Variants in CFAP77 observed in about 807,000 individuals in gnomAD.
CFAP77 encodes cilia- and flagella-associated protein 77.
In CFAP77, 25 loss-of-function variants were observed where a neutral mutation model predicts 31.1. The observed-to-expected ratio is 0.80, with a 90% CI of 0.59 to 1.12. The LOEUF (loss-of-function observed/expected upper bound fraction) is 1.12, where lower values mean the gene tolerates loss of function less well. Ranked by LOEUF, CFAP77 falls within the 50% of genes most tolerant of loss-of-function variation. The pLI is 0.00. For missense variants in CFAP77, 377 were observed against 397.3 expected (o/e 0.95, Z 0.44); for synonymous variants, 151 against 159.9 (o/e 0.94, Z 0.42).
At chr9:132,468,331 T>G (rs1851191170) in intron 1 of CFAP77, among the ~76,000 whole-genome samples, 1 of 151,894 alleles carries the variant, frequency 6.6e-6, no homozygotes, top group African/African-American at 2.4e-5. Context: ...GGCAACAGAG[T>G]GAGACTCCGT....
chr9:132,430,575 C>T (rs567046240), intron 1 of CFAP77, among the ~76,000 whole-genome samples: 3 of 152,326 alleles, frequency 2.0e-5, no homozygotes, highest in South Asian at 4.1e-4. Context: ...TGAAGAAAAG[C>T]CCTCCTGTCC....
intron 3 of CFAP77, among the ~76,000 whole-genome samples, chr9:132,523,574 T>G (rs1852306961): frequency 6.6e-6 from 1 of 152,224 alleles, no homozygotes; most frequent in South Asian, 2.1e-4. Context: ...CTTTTACAAA[T>G]GTGACCAGCT....
chr9:132,458,476 G>A (rs1850970085), intron 1 of CFAP77, among the ~76,000 whole-genome samples: 1 of 152,144 alleles, frequency 6.6e-6, no homozygotes, highest in South Asian at 2.1e-4. Context: ...TGCCTGTGTG[G>A]GCTAGGTTTC....
In CFAP77 at chr9:132,498,785, GT is replaced by G; in HGVS notation, c.287del (p.Val96AlafsTer21). 4 of 1,607,308 alleles carry G rather than the reference GT, an allele frequency of 2.5e-6. No homozygotes were observed. The highest frequency in any genetic ancestry group is 3.4e-6 in the Non-Finnish European group (4 of 1,176,184). On this transcript the variant is annotated frameshift_variant, in exon 2 of 6. Coordinates refer to ENST00000393216, the MANE Select transcript of CFAP77 (RefSeq NM_001282957.2). LOFTEE classifies it high-confidence loss of function. The surrounding 1 kb of genome is among the most constrained non-coding windows in gnomAD (Gnocchi z 4.2). ...GLYIRGLDGG[V>X]PEAIGRWNVF... ...CTACATCCGAGGGCTTGACGGAGGA[GT>G]CCCTGAAGGTGAGCGAGCAGCTTTG...
chr9:132,427,628 A>G (rs551829291), intron 1 of CFAP77, among the ~76,000 whole-genome samples: 3 of 152,066 alleles, frequency 2.0e-5, no homozygotes, highest in African/African-American at 7.2e-5. Flanking sequence ...AAAAAACAAC[A>G]ACAAAAAAAC....
rs999394661 is a variant in CFAP77, at chr9:132,565,864, A to T, written c.733-6524A>T. ...ACCAGCTCCTTCGCCAACCGGGATA[A>T]AGCCTCCCGCTCGCCCGGCTCCCAG... On this transcript the variant is annotated intron_variant, in intron 5 of 5. Transcript: ENST00000393216. The surrounding 1 kb of genome is among the most constrained non-coding windows in gnomAD (Gnocchi z 4.1). Among the ~76,000 whole-genome samples the T allele has an allele frequency of 9.9e-5, 15 of 152,206 alleles. No individual in the cohort carries two copies. The highest frequency in any genetic ancestry group is 3.3e-4 in the Admixed American group (5 of 15,294).
chr9:132,451,715 G>A (rs1850830244), intron 1 of CFAP77, among the ~76,000 whole-genome samples: 1 of 151,882 alleles, frequency 6.6e-6, no homozygotes, highest in Admixed American at 6.6e-5. Flanking sequence ...AATCCTGGTT[G>A]CCTTCATTAT....
At position 132,511,647 on chromosome 9, in the gene CFAP77, C is replaced by T. The variant is rs1027556106; in HGVS notation, c.524+12047C>T. On this transcript the variant is annotated intron_variant, in intron 3 of 5. Coordinates refer to ENST00000393216, the MANE Select transcript of CFAP77 (RefSeq NM_001282957.2). This position sits in a 1 kb window ranked among gnomAD's most constrained non-coding sequence, Gnocchi z 5.8. ...GCACATGAGACGGCCAACTCTTTCC[C>T]GGGCACGACTCTTGCAGGGCACTGA... Among the ~76,000 whole-genome samples the T allele has an allele frequency of 7.9e-5, 12 of 152,236 alleles. 1 individual carries two copies. Among genetic ancestry groups the T allele is most frequent in the Admixed American group, 7.2e-4 (11 of 15,286 alleles).
At position 132,428,815 on chromosome 9, in the gene CFAP77, C is replaced by A. The variant is rs1006141353; in HGVS notation, c.195+18349C>A. On this transcript the variant is annotated intron_variant, in intron 1 of 5. Coordinates refer to ENST00000393216, the MANE Select transcript of CFAP77 (RefSeq NM_001282957.2). ...GGGCACAGTCAGCACTTTGAAGACC[C>A]CCCCCTGCTCTGCGTACACTGGCAT... Among the ~76,000 whole-genome samples, 9 of 151,944 alleles carry A rather than the reference C, an allele frequency of 5.9e-5. 1 individual carries two copies. The South Asian group carries it at 1.7e-3, about 28-fold the overall frequency.
intron 1 of CFAP77, among the ~76,000 whole-genome samples, chr9:132,456,779 C>G (rs1043325778): frequency 6.6e-6 from 1 of 151,788 alleles, no homozygotes. Flanking sequence ...GAGACACGGT[C>G]ATACTCTGTT....
Position 132,572,818 on chromosome 9 carries a change from C to A in CFAP77, c.*308C>A. 2.6e-6 allele frequency: 1 copy of A among 389,896 alleles called. No homozygotes were observed. Among genetic ancestry groups the A allele is most frequent in the Non-Finnish European group, 4.6e-6 (1 of 218,558 alleles). 24.2% of individuals were successfully genotyped at this position (389,896 alleles called of 1,614,324 possible). ...CACCTGCCAAGACAAGCCCAAATTA[C>A]AAGACAATTTTTTAGACTCCAGGCT... On this transcript the variant is annotated 3_prime_UTR_variant, in exon 6 of 6. Coordinates refer to ENST00000393216, the MANE Select transcript of CFAP77 (RefSeq NM_001282957.2).
chr9:132,502,064 G>A (rs531991996), intron 3 of CFAP77, among the ~76,000 whole-genome samples: 41 of 152,220 alleles, frequency 2.7e-4, no homozygotes, highest in African/African-American at 8.7e-4. Flanking sequence ...AGACAGTAGC[G>A]GACTTCTTGC....
intron 1 of CFAP77, among the ~76,000 whole-genome samples, chr9:132,429,740 C>T (rs916898645): frequency 7.3e-5 from 11 of 151,674 alleles, no homozygotes; most frequent in Admixed American, 5.9e-4. Flanking sequence ...CCTGTAGTCC[C>T]AGCTACTTAG....
intron 3 of CFAP77, among the ~76,000 whole-genome samples, chr9:132,532,709 G>T (rs945560291): frequency 3.3e-5 from 5 of 152,028 alleles, no homozygotes; most frequent in African/African-American, 1.2e-4. Flanking sequence ...TAAGTCACAG[G>T]GTAAGTTCTG....
chr9:132,522,390 C>A (rs1179166983), intron 3 of CFAP77, among the ~76,000 whole-genome samples: 2 of 152,190 alleles, frequency 1.3e-5, no homozygotes, highest in Non-Finnish European at 2.9e-5. Context: ...CTGGGCTTCG[C>A]TTCCCATTCC....
chr9:132,460,731 A>C (rs1025694158), intron 1 of CFAP77, among the ~76,000 whole-genome samples: 3 of 152,042 alleles, frequency 2.0e-5, no homozygotes, highest in African/African-American at 4.8e-5. Flanking sequence ...ACTCAATACC[A>C]CTGGATTGTG....
intron 1 of CFAP77, among the ~76,000 whole-genome samples, chr9:132,450,609 G>A (rs1850808679): frequency 6.6e-6 from 1 of 152,238 alleles, no homozygotes; most frequent in Admixed American, 6.5e-5. Flanking sequence ...GTAAGCAGAA[G>A]AGCAGAGATT....
intron 1 of CFAP77, among the ~76,000 whole-genome samples, chr9:132,494,958 C>T (rs1851718127): frequency 6.6e-6 from 1 of 152,196 alleles, no homozygotes; most frequent in Non-Finnish European, 1.5e-5. Flanking sequence ...ACGCTTTAAA[C>T]TCACAGACTT....
intron 1 of CFAP77, among the ~76,000 whole-genome samples, chr9:132,477,260 A>G (rs907749235): frequency 6.6e-6 from 1 of 152,222 alleles, no homozygotes; most frequent in African/African-American, 2.4e-5. Context: ...GCACAAGAGT[A>G]GACCTGCTTC....
Sources: allele counts gnomAD v4.1 joint callset (sites outside exome capture counted in the v4.1 genomes callset), GRCh38; gene constraint gnomAD v4.1.1; non-coding constraint Gnocchi (gnomAD v3.1); transcripts MANE v1.5; gene names NCBI Gene and HGNC (gene_info 2026-07-23, HGNC 2026-07-21).